PDE10A: variants seen among roughly 807,000 people sequenced by gnomAD.
PDE10A encodes cAMP and cAMP-inhibited cGMP 3',5'-cyclic phosphodiesterase 10A.
PDE10A carries 39 observed loss-of-function variants against 97.7 expected under a neutral mutation model. That is an observed-to-expected ratio of 0.40 (90% CI 0.31 to 0.52). The LOEUF is 0.52. Among genes scored for constraint, PDE10A ranks in the 20% least tolerant of loss-of-function variants. The probability of loss-of-function intolerance (pLI) is 0.56; values close to 1 mark genes in which losing one functional copy is unlikely to be tolerated. For synonymous variants in PDE10A, 371 were observed against 376.8 expected, an observed-to-expected ratio of 0.98 and a Z score of 0.18; for missense variants, 731 against 1,047.8, an observed-to-expected ratio of 0.70 and a Z score of 4.17.
chr6:165,959,944 C>G (rs1011237161), intron 1 of PDE10A, among the ~76,000 whole-genome samples: 3 of 152,116 alleles, frequency 2.0e-5, no homozygotes, highest in African/African-American at 7.2e-5. Flanking sequence ...CTCTCCCTGC[C>G]CCACTTTATC....
intron 1 of PDE10A, among the ~76,000 whole-genome samples, chr6:165,805,676 T>G (rs1360842347): frequency 6.6e-6 from 1 of 152,100 alleles, no homozygotes; most frequent in Non-Finnish European, 1.5e-5. Context: ...AGACGCTGAG[T>G]CAGGGACCCC....
chr6:165,580,862 G>T (rs114239729), intron 1 of PDE10A, among the ~76,000 whole-genome samples: 1 of 149,222 alleles, frequency 6.7e-6, no homozygotes, highest in Admixed American at 6.7e-5. Flanking sequence ...TCTCCTACCC[G>T]ATGAGAAGAG....
intron 13 of PDE10A, among the ~76,000 whole-genome samples, chr6:165,405,941 C>T (rs1787105702): frequency 6.6e-6 from 1 of 152,080 alleles, no homozygotes; most frequent in African/African-American, 2.4e-5. Context: ...GACATGAAAC[C>T]ACCTAGGATG....
At chr6:165,506,590 T>C (rs1781205193) in intron 2 of PDE10A, among the ~76,000 whole-genome samples, 1 of 152,070 alleles carries the variant, frequency 6.6e-6, no homozygotes, top group Admixed American at 6.6e-5. Context: ...AAAAGAAAAA[T>C]TGTTCTTGAG....
At chr6:165,577,803 A>G (rs3920643) in intron 1 of PDE10A, among the ~76,000 whole-genome samples, 131,180 of 152,256 alleles carry the variant, frequency 0.86, 57,885 homozygotes, top group East Asian at 0.98. Context: ...TAGAAACGCC[A>G]TCCGCCCGCT....
chr6:165,835,449 T>C (rs535905370), intron 1 of PDE10A, among the ~76,000 whole-genome samples: 7 of 152,330 alleles, frequency 4.6e-5, no homozygotes, highest in South Asian at 4.1e-4. Context: ...ATTCTGCTCC[T>C]GAGGCCAAGG....
intron 1 of PDE10A, among the ~76,000 whole-genome samples, chr6:165,618,589 G>T (rs74552374): frequency 0.022 from 3,353 of 152,210 alleles, 132 homozygotes; most frequent in African/African-American, 0.077. Context: ...CATATGCAGG[G>T]CCTCAAAGAA....
intron 2 of PDE10A, among the ~76,000 whole-genome samples, chr6:165,500,345 T>G (rs1780796067): frequency 6.6e-6 from 1 of 152,138 alleles, no homozygotes; most frequent in African/African-American, 2.4e-5. Context: ...CATAAGAGAC[T>G]CCATTTTGTT....
At chr6:165,584,301 T>C (rs924239653) in intron 1 of PDE10A, among the ~76,000 whole-genome samples, 1 of 152,168 alleles carries the variant, frequency 6.6e-6, no homozygotes, top group Non-Finnish European at 1.5e-5. Flanking sequence ...CATACACATA[T>C]GTTCCTTCCT....
At chr6:165,667,355 A>G (rs1790522937), upstream of PDE10A, among the ~76,000 whole-genome samples, 1 of 152,150 alleles carries the variant, frequency 6.6e-6, no homozygotes, top group African/African-American at 2.4e-5. Context: ...TCACTCCCTT[A>G]AATTATTTTT....
Position 165,815,570 on chromosome 6 carries a change from G to A in PDE10A, c.-615+171959C>T, listed in dbSNP as rs967417244. On this transcript the variant is annotated intron_variant, in intron 1 of 19. Transcript: ENST00000366882. ...GAAAGGATTCAGCTTGGATGAAGGG[G>A]CAGAACTGCATGGGGTCGGCGAAGG... Among the ~76,000 whole-genome samples, 12 of 152,276 alleles carry A rather than the reference G, an allele frequency of 7.9e-5. 1 individual carries two copies. The highest frequency in any genetic ancestry group is 2.9e-4 in the African/African-American group (12 of 41,554).
chr6:165,442,730 C>T (rs1790562977), intron 5 of PDE10A, among the ~76,000 whole-genome samples: 1 of 152,014 alleles, frequency 6.6e-6, no homozygotes, highest in African/African-American at 2.4e-5. Context: ...TACCTCTGGC[C>T]TCTCCCAAAT....
At chr6:165,726,327 G>A (rs1792292864) in intron 1 of PDE10A, among the ~76,000 whole-genome samples, 1 of 152,016 alleles carries the variant, frequency 6.6e-6, no homozygotes, top group Admixed American at 6.5e-5. Context: ...TATTAATGAT[G>A]GGAAAAAATA....
chr6:165,987,722 A>C (rs1453583608), exon 1 of PDE10A: 3 of 456,756 alleles, frequency 6.6e-6, no homozygotes, highest in African/African-American at 6.0e-5. Context: ...GGACCTGTCC[A>C]CCACGCTCGC....
chr6:165,611,409 G>A (rs1011691404), intron 1 of PDE10A, among the ~76,000 whole-genome samples: 2 of 152,188 alleles, frequency 1.3e-5, no homozygotes, highest in African/African-American at 4.8e-5. Flanking sequence ...CCAGTCCTGA[G>A]GAAGGGCTCT....
intron 18 of PDE10A, among the ~76,000 whole-genome samples, chr6:165,360,548 G>A (rs1783342673): frequency 6.6e-6 from 1 of 152,206 alleles, no homozygotes; most frequent in Non-Finnish European, 1.5e-5. Flanking sequence ...GTTGTAGGAG[G>A]AGGCAACTGG....
intron 3 of PDE10A, among the ~76,000 whole-genome samples, chr6:165,462,957 A>G (rs1778414413): frequency 6.6e-6 from 1 of 152,264 alleles, no homozygotes; most frequent in African/African-American, 2.4e-5. Flanking sequence ...TACCACCCTC[A>G]AAAACCTTTT....
rs1430014626 is a variant in PDE10A at position 165,329,277 on chromosome 6, G to A, written c.*3748C>T. Reference sequence around the variant, plus strand: ...AACAGTTCACTGGTTATAGTCACCAGGGTATATGTCAATGAAGTCAAATAA... The same window carrying A: ...AACAGTTCACTGGTTATAGTCACCAAGGTATATGTCAATGAAGTCAAATAA... On this transcript the variant is annotated 3_prime_UTR_variant, in exon 22 of 22. Transcript: ENST00000539869. The A allele has an allele frequency of 2.0e-5, 3 of 152,176 alleles. No individual in the cohort carries two copies. The highest frequency in any genetic ancestry group is 7.2e-5 in the African/African-American group (3 of 41,452). The allele number at this position is 152,176 out of a possible 1,614,324, so 9.4% of individuals were successfully genotyped here. A position where few individuals can be genotyped will look rare whatever the true frequency, so the allele number is the denominator to read the frequency against.
intron 1 of PDE10A, among the ~76,000 whole-genome samples, chr6:165,908,608 C>A (rs755951036): frequency 2.4e-4 from 37 of 152,332 alleles, no homozygotes; most frequent in Non-Finnish European, 5.1e-4. Flanking sequence ...GGAGGTGTCC[C>A]CCTGCCAATT....
Sources: allele counts gnomAD v4.1 joint callset (sites outside exome capture counted in the v4.1 genomes callset), GRCh38; gene constraint gnomAD v4.1.1; transcripts MANE v1.5; gene names NCBI Gene and HGNC (gene_info 2026-07-23, HGNC 2026-07-21).